Variants in CDH12 observed in about 807,000 individuals in gnomAD.
The protein encoded by CDH12 is cadherin 12, also known as cadherin-12.
CDH12 carries 41 observed loss-of-function variants against 74.1 expected under a neutral mutation model. The ratio of observed to expected loss-of-function variants is 0.55; its 90% CI spans 0.43 to 0.72. CDH12 has a LOEUF of 0.72. Ranked by LOEUF, CDH12 falls within the 30% of genes least tolerant of loss-of-function variation. The pLI is 0.00. For missense variants in CDH12, 945 were observed against 977.2 expected, an observed-to-expected ratio of 0.97 and a Z score of 0.44; for synonymous variants, 399 against 355.0, an observed-to-expected ratio of 1.12 and a Z score of -1.39.
At chr5:22,232,957 C>G (rs554680720) in intron 3 of CDH12, among the ~76,000 whole-genome samples, 1 of 149,806 alleles carries the variant, frequency 6.7e-6, no homozygotes, top group Non-Finnish European at 1.5e-5. Flanking sequence ...ATCGAATAAC[C>G]ATATAATTGT....
intron 10 of CDH12, among the ~76,000 whole-genome samples, chr5:21,792,406 T>G (rs10078408): frequency 0.015 from 2,331 of 152,004 alleles, 50 homozygotes; most frequent in African/African-American, 0.052. Flanking sequence ...AAATGTTTGA[T>G]GAGAAACTAT....
intron 3 of CDH12, among the ~76,000 whole-genome samples, chr5:22,307,916 T>C (rs1478570024): frequency 9.9e-4 from 130 of 131,408 alleles, no homozygotes; most frequent in African/African-American, 3.2e-3. Flanking sequence ...AGTCTCACTC[T>C]GTCGCCCAGG....
At chr5:22,400,597 G>A (rs1742689263) in intron 3 of CDH12, among the ~76,000 whole-genome samples, 1 of 151,958 alleles carries the variant, frequency 6.6e-6, no homozygotes, top group Non-Finnish European at 1.5e-5. Context: ...TGCCTGGCCT[G>A]TGCTTGGGTA....
At chr5:22,469,345 A>C (rs1230509764) in intron 2 of CDH12, among the ~76,000 whole-genome samples, 2 of 152,212 alleles carry the variant, frequency 1.3e-5, no homozygotes. Context: ...AAGTGTTGGC[A>C]GGTTGGTTTC....
intron 1 of CDH12, among the ~76,000 whole-genome samples, chr5:22,698,676 GATATATATATATATATATATATATATAT>G (rs1193077466): frequency 0.038 from 1,185 of 31,000 alleles, 84 homozygotes; most frequent in South Asian, 0.11. Flanking sequence ...TCAATCCCCA[GATATATATATATATATATATATATATAT>G]ATATATATAT....
rs1204801709 is a variant in CDH12 at position 22,563,066 on chromosome 5, A to T, written c.-522-57702T>A. 2.7e-5 allele frequency among the ~76,000 whole-genome samples: 4 copies of T among 147,108 alleles called. No individual in the cohort carries two copies. In the East Asian group the frequency reaches 5.9e-4, roughly 22 times the overall value. ...TATTGATATATTTAAATATATATAG[A>T]TTTATATATTTATATATATATATGT... On this transcript the variant is annotated intron_variant, in intron 1 of 14. Coordinates refer to ENST00000382254, the MANE Select transcript of CDH12 (RefSeq NM_004061.5).
intron 4 of CDH12, among the ~76,000 whole-genome samples, chr5:22,112,761 G>A (rs983382454): frequency 6.6e-6 from 1 of 152,114 alleles, no homozygotes; most frequent in Non-Finnish European, 1.5e-5. Flanking sequence ...GAAACGTTTT[G>A]AAGTAAAAAT....
intron 6 of CDH12, among the ~76,000 whole-genome samples, chr5:21,915,174 A>G (rs1754030597): frequency 6.6e-6 from 1 of 152,198 alleles, no homozygotes; most frequent in East Asian, 1.9e-4. Flanking sequence ...TTCTGAAAGT[A>G]TAATTCCGAT....
chr5:22,841,261 C>A (rs947215558), intron 1 of CDH12, among the ~76,000 whole-genome samples: 1 of 152,082 alleles, frequency 6.6e-6, no homozygotes, highest in African/African-American at 2.4e-5. Context: ...ACAACAGGAT[C>A]TGCTGGCAAA....
chr5:21,806,582 G>A (rs1465443531), intron 9 of CDH12, among the ~76,000 whole-genome samples: 1 of 152,088 alleles, frequency 6.6e-6, no homozygotes, highest in Non-Finnish European at 1.5e-5. Context: ...AACTTATTGG[G>A]AAATTGGGTC....
chr5:22,013,687 A>C (rs893538872), intron 5 of CDH12, among the ~76,000 whole-genome samples: 5 of 152,180 alleles, frequency 3.3e-5, no homozygotes, highest in African/African-American at 1.2e-4. Context: ...GCTATTCTTA[A>C]TATAAAGCAG....
intron 12 of CDH12, among the ~76,000 whole-genome samples, chr5:21,764,292 T>C (rs1037588212): frequency 1.3e-5 from 2 of 151,842 alleles, no homozygotes; most frequent in Non-Finnish European, 2.9e-5. Context: ...AAAAATCGCT[T>C]GAATCCGGGA....
chr5:22,839,506 CCAT>C (rs931876997), intron 1 of CDH12, among the ~76,000 whole-genome samples: 11 of 151,912 alleles, frequency 7.2e-5, no homozygotes, highest in Non-Finnish European at 1.6e-4. Flanking sequence ...CAGGCACCCA[CCAT>C]CACGTCTGGC....
chr5:22,807,212 G>A (rs1748863599), intron 1 of CDH12, among the ~76,000 whole-genome samples: 1 of 152,132 alleles, frequency 6.6e-6, no homozygotes. Context: ...TTACATAATT[G>A]TGGCATGCAT....
chr5:22,277,143 C>A (rs1195007334), intron 3 of CDH12, among the ~76,000 whole-genome samples: 1 of 152,138 alleles, frequency 6.6e-6, no homozygotes, highest in Non-Finnish European at 1.5e-5. Flanking sequence ...CCAATAACTA[C>A]AAATTAGATA....
chr5:21,989,263 A>G (rs761690009), intron 5 of CDH12, among the ~76,000 whole-genome samples: 2 of 152,216 alleles, frequency 1.3e-5, no homozygotes, highest in Non-Finnish European at 2.9e-5. Flanking sequence ...GAAATCAAAT[A>G]AACATGTAGT....
In CDH12 at chr5:22,483,763, T is replaced by TATATATATATATATATATATAAAA. The variant is rs902754630; in HGVS notation, c.-428+21506_-428+21507insTTTTATATATATATATATATATAT. ...TCTTTCAAAACTATATATATATATATAAATTTAATTAATTGGGCATGGTGG... is the reference window on the plus strand; with the variant it reads ...TCTTTCAAAACTATATATATATATATATATATATATATATATATATAAAAAAATTTAATTAATTGGGCATGGTGG... On this transcript the variant is annotated intron_variant, in intron 2 of 14. Transcript: ENST00000382254. Among the ~76,000 whole-genome samples the TATATATATATATATATATATAAAA allele has an allele frequency of 6.1e-4, 56 of 91,834 alleles. 3 individuals are homozygous for TATATATATATATATATATATAAAA. Among genetic ancestry groups the TATATATATATATATATATATAAAA allele is most frequent in the Non-Finnish European group, 1.1e-3 (50 of 45,154 alleles). The allele number at this position is 91,834 out of a possible 152,430, so 60.2% of individuals were successfully genotyped here.
At chr5:22,689,649 G>A (rs1561579209) in intron 1 of CDH12, among the ~76,000 whole-genome samples, 1 of 151,974 alleles carries the variant, frequency 6.6e-6, no homozygotes, top group Admixed American at 6.6e-5. Context: ...AAATTGATTG[G>A]GATAATAGAT....
intron 1 of CDH12, among the ~76,000 whole-genome samples, chr5:22,692,612 ATAACAGCATTCAAGG>A (rs1742142320): frequency 6.6e-6 from 1 of 152,194 alleles, no homozygotes; most frequent in Non-Finnish European, 1.5e-5. Flanking sequence ...TGGGACTGGG[ATAACAGCATTCAAGG>A]TATCAGCTGA....
Sources: allele counts gnomAD v4.1 joint callset (sites outside exome capture counted in the v4.1 genomes callset), GRCh38; gene constraint gnomAD v4.1.1; transcripts MANE v1.5; gene names NCBI Gene and HGNC (gene_info 2026-07-23, HGNC 2026-07-21).